Variants in PRKCH observed in about 807,000 individuals in gnomAD.
PRKCH encodes protein kinase C eta type.
PRKCH carries 28 observed loss-of-function variants against 82.5 expected under a neutral mutation model. The observed-to-expected ratio is 0.34, with a 90% CI of 0.25 to 0.47. PRKCH has a LOEUF of 0.47. Ranked by LOEUF, PRKCH falls within the 20% of genes least tolerant of loss-of-function variation. The pLI is 1.00. For synonymous variants in PRKCH, 322 were observed against 327.4 expected, an observed-to-expected ratio of 0.98 and a Z score of 0.18; for missense variants, 705 against 881.8, an observed-to-expected ratio of 0.80 and a Z score of 2.54.
intron 1 of PRKCH, among the ~76,000 whole-genome samples, chr14:61,264,246 T>G (rs1183760739): frequency 6.6e-6 from 1 of 152,248 alleles, no homozygotes; most frequent in Non-Finnish European, 1.5e-5. Context: ...TTTTCCATTT[T>G]TATGTTAAAC....
At chr14:61,537,431 T>C (rs2140020381) in intron 12 of PRKCH, 1 of 152,226 alleles carries the variant, frequency 6.6e-6, no homozygotes, top group East Asian at 1.9e-4. Context: ...TTAGGCTGAC[T>C]AAATCATCCC....
At chr14:61,367,113 A>G (rs989829133) in intron 1 of PRKCH, among the ~76,000 whole-genome samples, 1 of 152,050 alleles carries the variant, frequency 6.6e-6, no homozygotes, top group Admixed American at 6.6e-5. Flanking sequence ...GGCAGACTGG[A>G]GACCCAGAGC....
intron 2 of PRKCH, among the ~76,000 whole-genome samples, chr14:61,423,635 G>C (rs1035949206): frequency 1.2e-4 from 18 of 152,122 alleles, no homozygotes; most frequent in African/African-American, 4.3e-4. Flanking sequence ...AATGGTGAGG[G>C]CATCAGTTTG....
At chr14:61,255,723 A>G (rs1343228312) in intron 1 of PRKCH, among the ~76,000 whole-genome samples, 1 of 152,196 alleles carries the variant, frequency 6.6e-6, no homozygotes, top group African/African-American at 2.4e-5. Context: ...TGGCTGGTTC[A>G]TGAAAGCAGC....
At chr14:61,397,366 T>C (rs2046801819) in intron 2 of PRKCH, among the ~76,000 whole-genome samples, 1 of 152,114 alleles carries the variant, frequency 6.6e-6, no homozygotes, top group East Asian at 1.9e-4. Flanking sequence ...TAAGTTGCAA[T>C]GTCTGGGAGA....
intron 12 of PRKCH, among the ~76,000 whole-genome samples, chr14:61,539,805 ACC>A (rs34487655): frequency 1.3e-5 from 2 of 152,138 alleles, no homozygotes; most frequent in South Asian, 4.1e-4. Flanking sequence ...TGGTGTGGCC[ACC>A]CACCCACCTG....
chr14:61,196,278 G>A (rs1440442635), intron 1 of PRKCH, among the ~76,000 whole-genome samples: 1 of 152,202 alleles, frequency 6.6e-6, no homozygotes, highest in Non-Finnish European at 1.5e-5. Flanking sequence ...ATGGTCAGGA[G>A]TAAGGAGCTT....
chr14:61,508,868 CTG>C (rs1367451822), intron 10 of PRKCH, among the ~76,000 whole-genome samples: 5 of 152,118 alleles, frequency 3.3e-5, no homozygotes, highest in African/African-American at 1.2e-4. Context: ...CATGAGGACA[CTG>C]TTTTACTCAG....
chr14:61,521,591 A>C (rs1184218713), intron 10 of PRKCH, among the ~76,000 whole-genome samples: 8 of 151,138 alleles, frequency 5.3e-5, no homozygotes. Flanking sequence ...TTTTTAAGAT[A>C]GAGTTTCACT....
At chr14:61,338,142 G>T (rs913181431) in intron 1 of PRKCH, among the ~76,000 whole-genome samples, 4 of 152,138 alleles carry the variant, frequency 2.6e-5, no homozygotes, top group Admixed American at 2.6e-4. Context: ...TCTGCTTTCA[G>T]CCCTGAAGTA....
At chr14:61,218,201 G>A (rs2044628295) in intron 1 of PRKCH, among the ~76,000 whole-genome samples, 1 of 152,160 alleles carries the variant, frequency 6.6e-6, no homozygotes, top group Non-Finnish European at 1.5e-5. Context: ...TTTCTTAAAG[G>A]GAGGGAAAAT....
intron 1 of PRKCH, among the ~76,000 whole-genome samples, chr14:61,269,817 C>A (rs1465307734): frequency 3.3e-5 from 5 of 152,194 alleles, no homozygotes; most frequent in Non-Finnish European, 5.9e-5. Flanking sequence ...CGACAATCAA[C>A]CTGAGAAATT....
intron 1 of PRKCH, among the ~76,000 whole-genome samples, chr14:61,373,044 T>G (rs2046383656): frequency 2.0e-5 from 3 of 151,998 alleles, no homozygotes; most frequent in African/African-American, 7.3e-5. Flanking sequence ...GAAACCAGTC[T>G]GGTTTTTAAT....
At chr14:61,496,633 C>T (rs1385907806) in intron 10 of PRKCH, among the ~76,000 whole-genome samples, 2 of 151,342 alleles carry the variant, frequency 1.3e-5, no homozygotes, top group African/African-American at 2.5e-5. Flanking sequence ...TAGTGCTTTC[C>T]ATAGGCTGTG....
Position 61,485,505 on chromosome 14 carries a change from C to G in PRKCH, c.1282C>G (p.Arg428Gly). 6.2e-7 allele frequency: 1 copy of G among 1,613,616 alleles called. No individual in the cohort carries two copies. The highest frequency in any genetic ancestry group is 8.5e-7 in the Non-Finnish European group (1 of 1,179,784). The change falls in exon 10 of 14, where the codon CGT becomes GGT. Residue 428 changes from arginine to glycine, a missense_variant. This residue lies in a region of PRKCH where 238 missense variants were observed against 258.1 expected (regional missense o/e 0.92). Coordinates refer to ENST00000332981, the MANE Select transcript of PRKCH (RefSeq NM_006255.5). ...CCTCTCTTGTGTTTGTATCCAGGAT[C>G]GTCTGTTTTTTGTGATGGAGTTTGT... is the stretch of plus-strand genomic sequence containing the variant. ...QLFCCFQTPD[R>G]LFFVMEFVNG...
chr14:61,441,627 T>C (rs1883977518), intron 2 of PRKCH, among the ~76,000 whole-genome samples: 1 of 152,192 alleles, frequency 6.6e-6, no homozygotes. Flanking sequence ...TTGTTCATAC[T>C]TTTAAAAATT....
chr14:61,201,835 G>A (rs2140039121), intron 1 of PRKCH, among the ~76,000 whole-genome samples: 1 of 152,108 alleles, frequency 6.6e-6, no homozygotes, highest in Non-Finnish European at 1.5e-5. Flanking sequence ...GTATAAACAT[G>A]TTATTTGAAT....
chr14:61,251,142 A>G (rs2044942661), intron 1 of PRKCH, among the ~76,000 whole-genome samples: 1 of 152,186 alleles, frequency 6.6e-6, no homozygotes, highest in South Asian at 2.1e-4. Flanking sequence ...CAGGCATGCA[A>G]TGTGTAATAA....
chr14:61,199,626 T>C (rs1000121703), intron 1 of PRKCH, among the ~76,000 whole-genome samples: 1 of 152,132 alleles, frequency 6.6e-6, no homozygotes, highest in Admixed American at 6.6e-5. Context: ...TTCATTTTTT[T>C]TTTTACATTT....
Sources: allele counts gnomAD v4.1 joint callset (sites outside exome capture counted in the v4.1 genomes callset), GRCh38; gene constraint gnomAD v4.1.1; regional missense constraint gnomAD v4.1.1; transcripts MANE v1.5; gene names NCBI Gene and HGNC (gene_info 2026-07-23, HGNC 2026-07-21).